Variants in NPIPB8 observed in about 807,000 individuals in gnomAD.
NPIPB8 encodes the protein nuclear pore complex interacting protein family member B8, also known as nuclear pore complex-interacting protein family member B8.
In NPIPB8, 3 loss-of-function variants were observed where a neutral mutation model predicts 5.3. The ratio of observed to expected loss-of-function variants is 0.57; its 90% CI spans 0.26 to 1.47. NPIPB8 has a LOEUF of 1.47. NPIPB8 is among the 40% of genes most tolerant of loss of function. The pLI is 0.13. For synonymous variants in NPIPB8, 18 were observed against 23.0 expected (o/e 0.78, Z 0.62); for missense variants, 50 against 50.2 (o/e 1.00, Z 0.01).
chr16:28,643,003 T>C (rs928261486), intron 2 of NPIPB8, among the ~76,000 whole-genome samples: 3 of 152,184 alleles, frequency 2.0e-5, no homozygotes, highest in Non-Finnish European at 4.4e-5. Flanking sequence ...GTGGGAAGTT[T>C]AGCTGAGGAC....
rs1361642685 is a variant in NPIPB8, at chr16:28,638,301, T to A, written c.-38-22T>A. On this transcript the variant is annotated intron_variant, in intron 1 of 7. Transcript: ENST00000683297. ...TGTTTTTCCACTCATTCAACAAACT[T>A]TTTTTCTTAATTGTCTAATAGGTTG... 4 of 1,548,954 alleles carry A rather than the reference T, an allele frequency of 2.6e-6. No homozygotes were observed. The South Asian group carries it at 3.5e-5, about 14-fold the overall frequency.
intron 2 of NPIPB8, among the ~76,000 whole-genome samples, chr16:28,639,408 C>T (rs1240479833): frequency 6.9e-6 from 1 of 145,740 alleles, no homozygotes; most frequent in East Asian, 1.9e-4. Context: ...TACACACACA[C>T]ACACACAGAC....
At chr16:28,639,190 T>C (rs1208803792) in intron 2 of NPIPB8, among the ~76,000 whole-genome samples, 1 of 146,834 alleles carries the variant, frequency 6.8e-6, no homozygotes, top group Admixed American at 6.8e-5. Flanking sequence ...ATATGTTCTA[T>C]AATTTTGAAT....
intron 2 of NPIPB8, among the ~76,000 whole-genome samples, chr16:28,638,963 G>A (rs1164637546): frequency 6.7e-6 from 1 of 150,272 alleles, no homozygotes; most frequent in Non-Finnish European, 1.5e-5. Flanking sequence ...CAGCTACTCA[G>A]GAGGCTGAGA....
chr16:28,650,944 G>T (rs1596685988), intron 3 of NPIPB8, among the ~76,000 whole-genome samples: 1 of 88,822 alleles, frequency 1.1e-5, no homozygotes. Flanking sequence ...ATCTAACCGT[G>T]TTGAAGTGTA....
intron 2 of NPIPB8, among the ~76,000 whole-genome samples, chr16:28,640,160 A>C (rs1971545): frequency 0.094 from 14,179 of 150,296 alleles, 878 homozygotes; most frequent in African/African-American, 0.19. Context: ...CCACCAGTTC[A>C]TGTTCTGACG....
intron 2 of NPIPB8, among the ~76,000 whole-genome samples, chr16:28,642,117 T>C (rs1170066561): frequency 1.3e-5 from 2 of 151,548 alleles, no homozygotes; most frequent in Non-Finnish European, 2.9e-5. Context: ...CTTTTTTTTT[T>C]TGAGACAGAG....
At chr16:28,645,136 G>A (rs1370033550) in intron 2 of NPIPB8, among the ~76,000 whole-genome samples, 3 of 132,224 alleles carry the variant, frequency 2.3e-5, no homozygotes, top group South Asian at 2.3e-4. Flanking sequence ...CTCCGCTTCC[G>A]GGGTTCAAGC....
chr16:28,638,739 A>G (rs1164528783), intron 2 of NPIPB8, among the ~76,000 whole-genome samples: 1 of 150,596 alleles, frequency 6.6e-6, no homozygotes, highest in Non-Finnish European at 1.5e-5. Context: ...CAACCAGACA[A>G]GTGCCCAACG....
At chr16:28,641,062 T>C (rs3874731) in intron 2 of NPIPB8, among the ~76,000 whole-genome samples, 3,796 of 151,966 alleles carry the variant, frequency 0.025, 159 homozygotes, top group African/African-American at 0.083. Flanking sequence ...ACAGTGCCCC[T>C]GTGTCGTGCA....
chr16:28,638,260 G>C (rs1377211292), intron 1 of NPIPB8, 63 bp from the exon 2 acceptor site: 1 of 1,532,726 alleles, frequency 6.5e-7, no homozygotes, highest in African/African-American at 1.4e-5. Context: ...GACCACTATA[G>C]ACTCAAACAT....
Position 28,644,354 on chromosome 16 carries a change from C to G in NPIPB8, c.121-3781C>G, listed in dbSNP as rs1400042095. Among the ~76,000 whole-genome samples the G allele has an allele frequency of 6.5e-3, 731 of 112,624 alleles. 30 individuals are homozygous for G. The highest frequency in any genetic ancestry group is 0.045 in the Admixed American group (496 of 11,144). 73.9% of individuals were successfully genotyped at this position (112,624 alleles called of 152,430 possible). On this transcript the variant is annotated intron_variant, in intron 2 of 7. Transcript: ENST00000683297. ...TTTCCCAGACCCCTTTCTTCTTCTC[C>G]TCCTCCTCCTCCACCTCCTCCAGGT...
intron 5 of NPIPB8, among the ~76,000 whole-genome samples, chr16:28,652,925 T>C (rs1174130569): frequency 7.4e-6 from 1 of 134,972 alleles, no homozygotes; most frequent in African/African-American, 2.9e-5. Context: ...TTTTTTAATT[T>C]TGAGATAGAA....
intron 2 of NPIPB8, among the ~76,000 whole-genome samples, chr16:28,640,223 A>G (rs1482843790): frequency 6.6e-6 from 1 of 151,932 alleles, no homozygotes; most frequent in Non-Finnish European, 1.5e-5. Context: ...GCCTGCTAGG[A>G]TGGGCTAGGT....
chr16:28,639,535 C>T (rs2047856793), intron 2 of NPIPB8, among the ~76,000 whole-genome samples: 1 of 133,804 alleles, frequency 7.5e-6, no homozygotes, highest in Non-Finnish European at 1.6e-5. Context: ...TGGCTCACTG[C>T]AACCTCCGTC....
At chr16:28,642,524 G>T (rs569138311) in intron 2 of NPIPB8, among the ~76,000 whole-genome samples, 5 of 149,432 alleles carry the variant, frequency 3.3e-5, no homozygotes, top group African/African-American at 5.0e-5. Flanking sequence ...TCGCTCTGTC[G>T]CCTAGGCTGG....
At chr16:28,643,168 T>G (rs1330743300) in intron 2 of NPIPB8, among the ~76,000 whole-genome samples, 2 of 150,304 alleles carry the variant, frequency 1.3e-5, no homozygotes, top group Non-Finnish European at 3.0e-5. Context: ...GCTGATGAAC[T>G]TTGTTTCTTG....
At chr16:28,653,148 C>T (rs1596689488) in intron 5 of NPIPB8, among the ~76,000 whole-genome samples, 1 of 113,354 alleles carries the variant, frequency 8.8e-6, no homozygotes, top group East Asian at 2.1e-4. Context: ...TCTTGGCTCA[C>T]TGCAACCTCC....
intron 2 of NPIPB8, among the ~76,000 whole-genome samples, chr16:28,640,527 A>C (rs1169078996): frequency 6.6e-6 from 1 of 152,082 alleles, no homozygotes; most frequent in Non-Finnish European, 1.5e-5. Flanking sequence ...CCATGGGTAC[A>C]TCCACTTTCA....
Sources: allele counts gnomAD v4.1 joint callset (sites outside exome capture counted in the v4.1 genomes callset), GRCh38; gene constraint gnomAD v4.1.1; transcripts MANE v1.5; gene names NCBI Gene and HGNC (gene_info 2026-07-23, HGNC 2026-07-21).